The following SLC39A11 variants were observed in gnomAD, a reference collection of about 807,000 sequenced individuals.
SLC39A11 encodes the protein solute carrier family 39 member 11.
Under a neutral mutation model 36.1 loss-of-function variants are expected in SLC39A11, and 33 were observed. That is an observed-to-expected ratio of 0.91 (90% CI 0.69 to 1.22). The LOEUF (loss-of-function observed/expected upper bound fraction) is 1.22. Ranked by LOEUF, SLC39A11 falls within the 50% of genes most tolerant of loss-of-function variation. The pLI is 0.00. For missense variants in SLC39A11, 432 were observed against 430.3 expected, an observed-to-expected ratio of 1.00 and a Z score of -0.03; for synonymous variants, 166 against 170.3, an observed-to-expected ratio of 0.97 and a Z score of 0.20.
At chr17:73,060,765 T>C (rs2059817569) in intron 3 of SLC39A11, among the ~76,000 whole-genome samples, 1 of 152,054 alleles carries the variant, frequency 6.6e-6, no homozygotes, top group Non-Finnish European at 1.5e-5. Flanking sequence ...TTCTAGAAAA[T>C]TGTTTACAAT....
At position 72,980,431 on chromosome 17, in the gene SLC39A11, G is replaced by C. The variant is rs187332340; in HGVS notation, c.307-32556C>G. 1.8e-4 allele frequency among the ~76,000 whole-genome samples: 27 copies of C among 152,286 alleles called. No homozygotes were observed. In the East Asian group the frequency reaches 4.8e-3, roughly 27 times the overall value. ...CTGGATAGATGGAGTGGTGAGCTTT[G>C]TTCTTAGGCAGAAACGCTCATCGTC... On this transcript the variant is annotated intron_variant, in intron 4 of 9. Coordinates refer to ENST00000255559, the MANE Select transcript of SLC39A11 (RefSeq NM_139177.4).
chr17:73,056,014 C>G (rs2059654486), intron 3 of SLC39A11, among the ~76,000 whole-genome samples: 1 of 152,128 alleles, frequency 6.6e-6, no homozygotes, highest in African/African-American at 2.4e-5. Context: ...CTTTCTGATA[C>G]TTTTGGTGCC....
intron 7 of SLC39A11, among the ~76,000 whole-genome samples, chr17:72,658,718 C>T (rs1477958509): frequency 6.6e-6 from 1 of 152,090 alleles, no homozygotes; most frequent in Non-Finnish European, 1.5e-5. Context: ...TGGGTGGGAC[C>T]CCAGGTGCAC....
chr17:72,947,856 T>C lies in SLC39A11; in HGVS notation c.326A>G (p.Gln109Arg), dbSNP rs200746284. 18 of 1,613,804 alleles carry C rather than the reference T, an allele frequency of 1.1e-5. No individual in the cohort carries two copies. The highest frequency in any genetic ancestry group is 3.4e-6 in the Non-Finnish European group (4 of 1,180,030). The change falls in exon 5 of 10, where the codon CAG becomes CGG. Residue 109 changes from glutamine to arginine, a missense_variant. By Grantham distance (43) the Gln-to-Arg change is conservative (BLOSUM62 1). Transcript: ENST00000255559. ...MPHLGAAEDP[Q>R]TTLALNFGST... ...GCCGAAGTTCAGTGCCAGGGTCGTCTGGGGGTCTTCTGCTGCACCCTGAAA... is the reference window on the plus strand; with the variant it reads ...GCCGAAGTTCAGTGCCAGGGTCGTCCGGGGGTCTTCTGCTGCACCCTGAAA...
At chr17:72,846,027 T>TTTTTTTTTC (rs2079040011) in intron 6 of SLC39A11, among the ~76,000 whole-genome samples, 1 of 125,868 alleles carries the variant, frequency 7.9e-6, no homozygotes, top group Non-Finnish European at 1.7e-5. Flanking sequence ...TCTTTTTTTT[T>TTTTTTTTTC]TTTTTTTTTT....
intron 6 of SLC39A11, among the ~76,000 whole-genome samples, chr17:72,777,901 G>A (rs934376751): frequency 3.3e-5 from 5 of 151,686 alleles, no homozygotes; most frequent in African/African-American, 7.3e-5. Context: ...ATGTATGTAC[G>A]TACATACTTA....
At chr17:72,858,401 C>G (rs377166245) in intron 5 of SLC39A11, among the ~76,000 whole-genome samples, 1 of 152,058 alleles carries the variant, frequency 6.6e-6, no homozygotes, top group Non-Finnish European at 1.5e-5. Context: ...GTTTGAAGTT[C>G]GGAAATGTGA....
chr17:72,766,483 G>A (rs2075764948), intron 6 of SLC39A11, among the ~76,000 whole-genome samples: 1 of 152,178 alleles, frequency 6.6e-6, no homozygotes, highest in Admixed American at 6.5e-5. Context: ...ATCTGGCCAT[G>A]CCTATCCTTC....
intron 3 of SLC39A11, chr17:73,068,127 T>C: frequency 7.3e-7 from 1 of 1,366,372 alleles, no homozygotes; most frequent in Non-Finnish European, 1.0e-6. Context: ...AAAATGTCAA[T>C]TTTTTTCTTG....
chr17:72,869,296 A>G (rs2080482147), intron 5 of SLC39A11, among the ~76,000 whole-genome samples: 1 of 152,240 alleles, frequency 6.6e-6, no homozygotes, highest in Non-Finnish European at 1.5e-5. Flanking sequence ...TCAGCTTCTC[A>G]AACCTTGTGC....
chr17:72,899,988 AAG>A (rs1184216709), intron 5 of SLC39A11, among the ~76,000 whole-genome samples: 2 of 23,778 alleles, frequency 8.4e-5, no homozygotes, highest in South Asian at 1.1e-3. Flanking sequence ...GAGAGAAAGA[AAG>A]AGAGAGAGAG....
At chr17:72,966,354 T>A (rs538310366) in intron 4 of SLC39A11, among the ~76,000 whole-genome samples, 9 of 152,262 alleles carry the variant, frequency 5.9e-5, no homozygotes, top group African/African-American at 1.9e-4. Context: ...ACAAAGATTA[T>A]CTGTTGAGAA....
chr17:73,080,936 C>T (rs778573436), intron 3 of SLC39A11, among the ~76,000 whole-genome samples: 5 of 149,498 alleles, frequency 3.3e-5, no homozygotes, highest in African/African-American at 5.0e-5. Context: ...CAGAGTGAGG[C>T]TCCATGTCAA....
At chr17:72,997,396 G>C (rs964178998) in intron 4 of SLC39A11, among the ~76,000 whole-genome samples, 2 of 152,164 alleles carry the variant, frequency 1.3e-5, no homozygotes, top group African/African-American at 4.8e-5. Context: ...TGGGATTATA[G>C]GTGGCCACCA....
chr17:73,088,399 C>A (rs578253660), intron 2 of SLC39A11, among the ~76,000 whole-genome samples: 1 of 152,298 alleles, frequency 6.6e-6, no homozygotes, highest in East Asian at 1.9e-4. Context: ...TTCCTATTCC[C>A]TTCAAGTCAG....
chr17:72,668,799 T>G (rs531636451), intron 7 of SLC39A11, among the ~76,000 whole-genome samples: 1 of 152,270 alleles, frequency 6.6e-6, no homozygotes, highest in African/African-American at 2.4e-5. Flanking sequence ...TCTGTGGAAA[T>G]AGGAGTTTAT....
intron 7 of SLC39A11, among the ~76,000 whole-genome samples, chr17:72,698,313 C>A (rs900356276): frequency 1.3e-5 from 2 of 152,180 alleles, no homozygotes; most frequent in Admixed American, 6.5e-5. Context: ...GATGTGGTTA[C>A]TCTCCAAAAC....
intron 5 of SLC39A11, among the ~76,000 whole-genome samples, chr17:72,932,963 C>T (rs1008949164): frequency 5.9e-5 from 9 of 152,126 alleles, no homozygotes; most frequent in Admixed American, 3.9e-4. Flanking sequence ...GTTCATCTAC[C>T]GAAAACCTAC....
chr17:72,728,641 C>T (rs992388036), intron 7 of SLC39A11, among the ~76,000 whole-genome samples: 10 of 152,150 alleles, frequency 6.6e-5, no homozygotes, highest in Non-Finnish European at 1.3e-4. Context: ...CCAATAAAGC[C>T]TCATTTCCAG....
Sources: allele counts gnomAD v4.1 joint callset (sites outside exome capture counted in the v4.1 genomes callset), GRCh38; gene constraint gnomAD v4.1.1; transcripts MANE v1.5; gene names NCBI Gene and HGNC (gene_info 2026-07-23, HGNC 2026-07-21).